FOXP1: variants seen among roughly 807,000 people sequenced by gnomAD.
The protein encoded by FOXP1 is forkhead box P1, also known as forkhead box protein P1.
In FOXP1, 15 loss-of-function variants were observed where a neutral mutation model predicts 98.2. That is an observed-to-expected ratio of 0.15 (90% confidence interval 0.10 to 0.24). The LOEUF is 0.24. FOXP1 is among the 10% of genes least tolerant of loss of function. The pLI, the probability that FOXP1 is intolerant of heterozygous loss-of-function variation, is 1.00. For synonymous variants in FOXP1, 371 were observed against 314.5 expected (o/e 1.18, Z -1.90); for missense variants, 633 against 848.5 (o/e 0.75, Z 3.15).
In FOXP1 at chr3:70,961,527, C is replaced by T. The variant is rs775530073; in HGVS notation, c.1890-2136G>A. On this transcript the variant is annotated intron_variant, in intron 20 of 20. Transcript: ENST00000649528. ...ATTACAGGCGTGAGACACCATGGCT[C>T]GCCGGATATTTTTATTTAAAAGGAA... Among the ~76,000 whole-genome samples, 7 of 152,032 alleles carry T rather than the reference C, an allele frequency of 4.6e-5. No homozygotes were observed. In the South Asian group the frequency reaches 1.0e-3, roughly 23 times the overall value.
intron 6 of FOXP1, among the ~76,000 whole-genome samples, chr3:71,129,557 T>C (rs2059438837): frequency 1.3e-5 from 2 of 152,252 alleles, no homozygotes; most frequent in South Asian, 4.2e-4. Flanking sequence ...TATTTTCCAT[T>C]TCCTGTCTAT....
At chr3:71,036,285 T>C (rs893652051) in intron 11 of FOXP1, among the ~76,000 whole-genome samples, 1 of 152,178 alleles carries the variant, frequency 6.6e-6, no homozygotes, top group Non-Finnish European at 1.5e-5. Flanking sequence ...AGGACTATCG[T>C]GACTGAAGAG....
intron 9 of FOXP1, among the ~76,000 whole-genome samples, chr3:71,051,253 G>A (rs1176501053): frequency 4.6e-5 from 7 of 152,018 alleles, no homozygotes; most frequent in African/African-American, 7.3e-5. Flanking sequence ...AGCAGCACCC[G>A]GTAGAGCGCC....
At chr3:71,080,355 A>G (rs1020297353) in intron 7 of FOXP1, among the ~76,000 whole-genome samples, 1 of 152,216 alleles carries the variant, frequency 6.6e-6, no homozygotes, top group Admixed American at 6.5e-5. Context: ...TTGAGATGAA[A>G]ATGAATCTCT....
chr3:70,959,206 TTTTTCCA>T lies in FOXP1; in HGVS notation c.*34_*40del. On this transcript the variant is annotated 3_prime_UTR_variant, in exon 21 of 21. Coordinates refer to ENST00000649528, the MANE Select transcript of FOXP1 (RefSeq NM_001349338.3). Reference sequence around the variant, plus strand: ...TTTTGACGTGTTTTTTTTTTTTTCCTTTTTCCAATCTTCATTCTCGGGGTTGGCCCGC... The same window carrying T: ...TTTTGACGTGTTTTTTTTTTTTTCCTATCTTCATTCTCGGGGTTGGCCCGC... The T allele has an allele frequency of 6.3e-7, 1 of 1,583,510 alleles. No homozygotes were observed. Among genetic ancestry groups the T allele is most frequent in the Non-Finnish European group, 8.6e-7 (1 of 1,157,632 alleles).
chr3:71,363,634 T>A (rs2078724252), intron 3 of FOXP1, among the ~76,000 whole-genome samples: 1 of 152,198 alleles, frequency 6.6e-6, no homozygotes, highest in Non-Finnish European at 1.5e-5. Context: ...TCAGCACCTC[T>A]GGGCAGTTTA....
intron 5 of FOXP1, among the ~76,000 whole-genome samples, chr3:71,223,889 T>C (rs1195277349): frequency 6.6e-6 from 1 of 152,048 alleles, no homozygotes; most frequent in Non-Finnish European, 1.5e-5. Context: ...AGCAGAAGTT[T>C]GCTGGATGGA....
intron 3 of FOXP1, among the ~76,000 whole-genome samples, chr3:71,418,323 C>A (rs1386058403): frequency 1.3e-5 from 2 of 152,306 alleles, no homozygotes; most frequent in Non-Finnish European, 2.9e-5. Flanking sequence ...TGGATCCCCA[C>A]AGAACCTTTA....
At chr3:71,223,959 C>A (rs968905985) in intron 5 of FOXP1, among the ~76,000 whole-genome samples, 2 of 152,134 alleles carry the variant, frequency 1.3e-5, no homozygotes, top group South Asian at 4.1e-4. Flanking sequence ...TGGATAATCA[C>A]GCTCCCTAGT....
chr3:71,183,619 C>T (rs2062465324), intron 6 of FOXP1, among the ~76,000 whole-genome samples: 1 of 152,126 alleles, frequency 6.6e-6, no homozygotes, highest in South Asian at 2.1e-4. Context: ...AAATTATTTC[C>T]GTTTGATGGA....
intron 3 of FOXP1, among the ~76,000 whole-genome samples, chr3:71,444,621 G>A (rs998695286): frequency 1.3e-5 from 2 of 152,166 alleles, no homozygotes; most frequent in African/African-American, 4.8e-5. Context: ...CATTGGTGGG[G>A]CGCTTCCAAT....
chr3:71,173,166 C>A (rs2061735160), intron 6 of FOXP1, among the ~76,000 whole-genome samples: 1 of 151,912 alleles, frequency 6.6e-6, no homozygotes, highest in Admixed American at 6.6e-5. Flanking sequence ...CTGAAAGTTT[C>A]TCATCTATTG....
chr3:71,218,019 G>T lies in FOXP1; in HGVS notation c.-11-19627C>A, dbSNP rs60943649. ...CCCCTGGCTCCACCTCTGCAAGCTC[G>T]CTTCTGCCTCACCTCTTTGCTGAAA... On this transcript the variant is annotated intron_variant, in intron 5 of 20. Coordinates refer to ENST00000649528, the MANE Select transcript of FOXP1 (RefSeq NM_001349338.3). Among the ~76,000 whole-genome samples, 4 of 152,198 alleles carry T rather than the reference G, an allele frequency of 2.6e-5. No homozygotes were observed. In the East Asian group the frequency reaches 5.8e-4, roughly 22 times the overall value.
At chr3:71,500,224 A>G (rs1291980936) in intron 2 of FOXP1, among the ~76,000 whole-genome samples, 1 of 152,260 alleles carries the variant, frequency 6.6e-6, no homozygotes, top group East Asian at 1.9e-4. Flanking sequence ...AACCCACTAG[A>G]CTAATTAGAA....
intron 4 of FOXP1, among the ~76,000 whole-genome samples, chr3:71,307,745 C>A (rs1425633427): frequency 6.6e-6 from 1 of 152,138 alleles, no homozygotes; most frequent in Non-Finnish European, 1.5e-5. Context: ...TGCTTCCCAG[C>A]TCATCTATAT....
intron 3 of FOXP1, among the ~76,000 whole-genome samples, chr3:71,378,743 T>C (rs2079917785): frequency 6.6e-6 from 1 of 151,730 alleles, no homozygotes; most frequent in African/African-American, 2.4e-5. Context: ...ACTGTTATAT[T>C]GTTTAATTTT....
At chr3:71,569,829 C>A (rs1049134043) in intron 2 of FOXP1, among the ~76,000 whole-genome samples, 79 of 151,130 alleles carry the variant, frequency 5.2e-4, no homozygotes, top group Middle Eastern at 6.9e-3. Flanking sequence ...GTCGCCCAGG[C>A]TGGAGTCCAG....
chr3:71,354,285 A>G (rs1011212908), intron 4 of FOXP1, among the ~76,000 whole-genome samples: 1 of 152,026 alleles, frequency 6.6e-6, no homozygotes, highest in Non-Finnish European at 1.5e-5. Context: ...CTCCAGAAAA[A>G]AAAAAAGAGA....
At chr3:71,177,191 A>G (rs746530247) in intron 6 of FOXP1, among the ~76,000 whole-genome samples, 2 of 152,246 alleles carry the variant, frequency 1.3e-5, no homozygotes, top group African/African-American at 4.8e-5. Context: ...CTGGAAGGAC[A>G]CACTGCAACA....
Sources: gnomAD v4.1 joint callset for allele counts (sites outside exome capture counted in the v4.1 genomes callset) on GRCh38, gnomAD v4.1.1 for gene constraint, MANE v1.5 for transcripts, NCBI Gene and HGNC (gene_info 2026-07-23, HGNC 2026-07-21) for gene names.